AVL9: variants seen among roughly 807,000 people sequenced by gnomAD.
The protein encoded by AVL9 is AVL9 cell migration associated.
Under a neutral mutation model 79.2 loss-of-function variants are expected in AVL9, and 49 were observed. The ratio of observed to expected loss-of-function variants is 0.62; its 90% CI spans 0.49 to 0.79. The LOEUF is 0.79. AVL9 is among the 30% of genes least tolerant of loss of function. AVL9 has a pLI of 0.00. For synonymous variants in AVL9, 299 were observed against 280.6 expected (o/e 1.07, Z -0.65); for missense variants, 682 against 776.8 (o/e 0.88, Z 1.45).
intron 12 of AVL9, among the ~76,000 whole-genome samples, 160 bp downstream of exon 12, chr7:32,573,578 C>T (rs982585865): frequency 7.9e-5 from 12 of 152,076 alleles, no homozygotes; most frequent in Non-Finnish European, 1.5e-4. Context: ...GTCTTTAGTA[C>T]TTTATAGCCT....
At chr7:32,500,755 C>G (rs1787092231) in intron 1 of AVL9, among the ~76,000 whole-genome samples, 1 of 152,042 alleles carries the variant, frequency 6.6e-6, no homozygotes, top group Non-Finnish European at 1.5e-5. Flanking sequence ...TAGTTTAAGT[C>G]TTTAATCCAT....
chr7:32,527,027 C>T (rs1788430341), intron 1 of AVL9, among the ~76,000 whole-genome samples: 1 of 151,898 alleles, frequency 6.6e-6, no homozygotes, highest in African/African-American at 2.4e-5. Context: ...AAGCACCCTC[C>T]CTCTAGGGCC....
intron 10 of AVL9, among the ~76,000 whole-genome samples, chr7:32,565,434 C>T (rs1211252686): frequency 6.6e-6 from 1 of 151,890 alleles, no homozygotes; most frequent in Non-Finnish European, 1.5e-5. Flanking sequence ...TGGTGCATGC[C>T]TGTAATCCCA....
In AVL9 at chr7:32,555,978, T is replaced by C. The variant is rs188550498; in HGVS notation, c.609+1382T>C. On this transcript the variant is annotated intron_variant, in intron 8 of 15. Coordinates refer to ENST00000318709, the MANE Select transcript of AVL9 (RefSeq NM_015060.3). The stretch of plus-strand genomic sequence containing the variant: ...GTAACTATTAGTTTATCTTGTATGT[T>C]GTATAGAATTTCAGACAATAAAAAA... Among the ~76,000 whole-genome samples the C allele has an allele frequency of 1.2e-3, 189 of 152,278 alleles. 4 individuals carry two copies. The highest frequency in any genetic ancestry group is 0.012 in the Admixed American group (176 of 15,280).
At chr7:32,542,648 T>C in intron 1 of AVL9, among the ~76,000 whole-genome samples, 1 of 152,236 alleles carries the variant, frequency 6.6e-6, no homozygotes, top group East Asian at 1.9e-4. Flanking sequence ...TACCGTTGGC[T>C]TTCCTGTGAT....
Position 32,514,025 on chromosome 7 carries a change from C to T in AVL9, c.93+18223C>T, listed in dbSNP as rs535931983. ...TGATGTCTCACCTCCAGCCATAAGG[C>T]GGTTTTCTCCTATCTCAGAATAGAA... On this transcript the variant is annotated intron_variant, in intron 1 of 15. Coordinates refer to ENST00000318709, the MANE Select transcript of AVL9 (RefSeq NM_015060.3). Among the ~76,000 whole-genome samples, 13 of 152,328 alleles carry T rather than the reference C, an allele frequency of 8.5e-5. 1 individual carries two copies. The South Asian group carries it at 2.3e-3, about 27-fold the overall frequency.
chr7:32,554,378 C>A (rs767499856), intron 7 of AVL9, among the ~76,000 whole-genome samples, 180 bp from the exon 8 acceptor site: 2 of 152,082 alleles, frequency 1.3e-5, no homozygotes, highest in Non-Finnish European at 2.9e-5. Flanking sequence ...TTAAGTGATT[C>A]TCACATTTAA....
chr7:32,540,430 A>G (rs1324024892), intron 1 of AVL9, among the ~76,000 whole-genome samples: 3 of 152,204 alleles, frequency 2.0e-5, no homozygotes, highest in African/African-American at 7.2e-5. Flanking sequence ...CTAAAGGAGC[A>G]TGGGGAAGGC....
chr7:32,573,847 A>C (rs1471974807), intron 12 of AVL9, among the ~76,000 whole-genome samples: 1 of 152,216 alleles, frequency 6.6e-6, no homozygotes, highest in Non-Finnish European at 1.5e-5. Context: ...TAAAAAATAG[A>C]AATCATTGAA....
chr7:32,580,652 C>G (rs983205370), intron 14 of AVL9, 150 bp from the exon 15 acceptor site: 1 of 608,072 alleles, frequency 1.6e-6, no homozygotes, highest in Non-Finnish European at 2.9e-6. Context: ...TAATTCATAA[C>G]AAATAATAAT....
intron 10 of AVL9, among the ~76,000 whole-genome samples, chr7:32,569,717 G>A (rs1790742822): frequency 6.6e-6 from 1 of 152,220 alleles, no homozygotes. Context: ...CAATTCATTA[G>A]TTACTGTGGA....
intron 10 of AVL9, chr7:32,562,645 C>T: frequency 1.0e-6 from 1 of 983,736 alleles, no homozygotes; most frequent in Non-Finnish European, 1.2e-6. Flanking sequence ...CTGGACTGGA[C>T]ATAGCATCTC....
rs571106477 is a variant in AVL9, at chr7:32,568,092, T to C, written c.1216-1928T>C. On this transcript the variant is annotated intron_variant, in intron 10 of 15. Transcript: ENST00000318709. ...TGTTGACTGGCCATTCTGGAACTCC[T>C]GGACTCAAGCAGGCCTCCCACTTTG... 1.8e-4 allele frequency among the ~76,000 whole-genome samples: 27 copies of C among 152,188 alleles called. No homozygotes were observed. In the South Asian group the frequency reaches 5.2e-3, roughly 29 times the overall value.
chr7:32,580,244 G>A lies in AVL9; in HGVS notation c.1714G>A (p.Val572Ile), dbSNP rs370592153. 1.2e-6 allele frequency: 2 copies of A among 1,612,336 alleles called. No individual in the cohort carries two copies. Among genetic ancestry groups the A allele is most frequent in the African/African-American group, 1.3e-5 (1 of 74,762 alleles). Residue 572 changes from valine to isoleucine, a missense_variant, in exon 14 of 16, where the codon GTA (valine) becomes ATA (isoleucine). Val to Ile is a conservative substitution (Grantham distance 29). Transcript: ENST00000318709. ...CCATCCATTTCAAGGCCAATACTCA[G>A]TATCAGACATGAAGTTAAGGTTCTC... is the stretch of plus-strand genomic sequence containing the variant. ...PNHPFQGQYS[V>I]SDMKLRFSHS...
rs185676498 is a variant in AVL9, at chr7:32,556,501, G to A, written c.609+1905G>A. On this transcript the variant is annotated intron_variant, in intron 8 of 15. Transcript: ENST00000318709. Reference sequence around the variant, plus strand: ...TGCACTCTAGCCTGGGTGACAGAGCGAGACTCCATCTCAAAGTAAATGAAT... The same window carrying A: ...TGCACTCTAGCCTGGGTGACAGAGCAAGACTCCATCTCAAAGTAAATGAAT... Among the ~76,000 whole-genome samples, 6 of 126,578 alleles carry A rather than the reference G, an allele frequency of 4.7e-5. No individual in the cohort carries two copies. The South Asian group carries it at 1.0e-3, about 22-fold the overall frequency. The allele number at this position is 126,578 out of a possible 152,430, so 83.0% of individuals were successfully genotyped here.
intron 10 of AVL9, among the ~76,000 whole-genome samples, chr7:32,566,526 A>C (rs1299886186): frequency 2.3e-3 from 1 of 434 alleles, no homozygotes; most frequent in African/African-American, 0.012. Context: ...AATAAAAATA[A>C]AATAGTATAT....
chr7:32,509,028 A>C (rs866316343), intron 1 of AVL9, among the ~76,000 whole-genome samples: 1 of 152,220 alleles, frequency 6.6e-6, no homozygotes, highest in Non-Finnish European at 1.5e-5. Context: ...GAATCTAAGG[A>C]TCAGTTTGAG....
At position 32,584,351 on chromosome 7, in the gene AVL9, G is replaced by T; in HGVS notation, c.*444G>T. ...TTAAAACGTGCTTATAAAGTGAAGG[G>T]GTCATACAGTTGGGCCTTCATTATT... On this transcript the variant is annotated 3_prime_UTR_variant, in exon 16 of 16. Transcript: ENST00000318709. 6.1e-6 allele frequency: 1 copy of T among 163,498 alleles called. No homozygotes were observed. Among genetic ancestry groups the T allele is most frequent in the Non-Finnish European group, 1.3e-5 (1 of 74,730 alleles). 10.1% of individuals were successfully genotyped at this position (163,498 alleles called of 1,614,324 possible).
chr7:32,498,036 G>A (rs1264036032), intron 1 of AVL9, among the ~76,000 whole-genome samples: 1 of 152,178 alleles, frequency 6.6e-6, no homozygotes, highest in Non-Finnish European at 1.5e-5. Flanking sequence ...TTAAATAGAA[G>A]TGACTGAAGT....
Sources: allele counts gnomAD v4.1 joint callset (sites outside exome capture counted in the v4.1 genomes callset), GRCh38; gene constraint gnomAD v4.1.1; transcripts MANE v1.5; gene names NCBI Gene and HGNC (gene_info 2026-07-23, HGNC 2026-07-21).